MANBA: variants seen among roughly 807,000 people sequenced by gnomAD.
MANBA encodes the protein mannosidase beta, also known as beta-mannosidase.
In MANBA, 83 loss-of-function variants were observed where a neutral mutation model predicts 111.1. The ratio of observed to expected loss-of-function variants is 0.75; its 90% CI spans 0.63 to 0.90. The LOEUF (loss-of-function observed/expected upper bound fraction) is 0.90. Ranked by LOEUF, MANBA falls within the 40% of genes least tolerant of loss-of-function variation. The pLI, the probability that MANBA is intolerant of heterozygous loss-of-function variation, is 0.00. For missense variants in MANBA, 1,036 were observed against 1,069.0 expected (o/e 0.97, Z 0.43); for synonymous variants, 370 against 378.7 (o/e 0.98, Z 0.27).
chr4:102,692,202 C>A (rs1194562097), intron 5 of MANBA, among the ~76,000 whole-genome samples: 2 of 152,098 alleles, frequency 1.3e-5, no homozygotes, highest in African/African-American at 4.8e-5. Flanking sequence ...TATAAAATCT[C>A]TCTGTGTACA....
chr4:102,721,511 A>G (rs984234179), intron 4 of MANBA, among the ~76,000 whole-genome samples: 2 of 152,174 alleles, frequency 1.3e-5, no homozygotes. Context: ...CAAAAGGTGG[A>G]AGCAACCTAA....
chr4:102,644,085 G>A (rs756644079), intron 13 of MANBA, among the ~76,000 whole-genome samples: 1 of 152,070 alleles, frequency 6.6e-6, no homozygotes, highest in Non-Finnish European at 1.5e-5. Flanking sequence ...ATGGTATGAG[G>A]TAGTGGTCTG....
chr4:102,701,046 T>C lies in MANBA; in HGVS notation c.674-10275A>G, dbSNP rs28876670. 5.4e-3 allele frequency among the ~76,000 whole-genome samples: 816 copies of C among 152,274 alleles called. 6 individuals are homozygous for C. Among genetic ancestry groups the C allele is most frequent in the African/African-American group, 0.019 (780 of 41,534 alleles). On this transcript the variant is annotated intron_variant, in intron 5 of 16. Transcript: ENST00000647097. ...TGCTTTATGAATCTGGGTGCTCCTG[T>C]ATTGGGTGCATATATATTTAGGATA...
At position 102,710,159 on chromosome 4, in the gene MANBA, A is replaced by G. The variant is rs80054776; in HGVS notation, c.673+4279T>C. Reference sequence around the variant, plus strand: ...CAATAAAATGCTGGAAGTCCTATCCAGGGCAATAAAGCAAGAGAAAAACAT... The same window carrying G: ...CAATAAAATGCTGGAAGTCCTATCCGGGGCAATAAAGCAAGAGAAAAACAT... On this transcript the variant is annotated intron_variant, in intron 5 of 16. Transcript: ENST00000647097. Among the ~76,000 whole-genome samples, 547 of 152,306 alleles carry G rather than the reference A, an allele frequency of 3.6e-3. 3 individuals are homozygous for G. Among genetic ancestry groups the G allele is most frequent in the African/African-American group, 0.012 (505 of 41,582 alleles).
chr4:102,729,575 C>A (rs1251045162), intron 1 of MANBA: 2 of 885,102 alleles, frequency 2.3e-6, no homozygotes, highest in Non-Finnish European at 3.9e-6. Flanking sequence ...CCTTCATCCA[C>A]ATCCTCTTGA....
rs757469184 is a variant in MANBA at position 102,657,718 on chromosome 4, T to C, written c.1668A>G (p.Gly556=). 2.5e-6 allele frequency: 4 copies of C among 1,613,432 alleles called. No individual in the cohort carries two copies. The highest frequency in any genetic ancestry group is 1.1e-5 in the South Asian group (1 of 91,084). Residue 556 remains glycine, a synonymous_variant, in exon 12 of 17, where the codon GGA becomes GGG. Transcript: ENST00000647097. ...TACTGAAGGACGGCCAGGACTGATA[T>C]CCATATTCAGATGCAAATCGAGCTT... ...FPKARFASEY[G]YQSWPSFSTL...
At chr4:102,658,450 G>A (rs180941890) in intron 11 of MANBA, among the ~76,000 whole-genome samples, 153 of 152,350 alleles carry the variant, frequency 1.0e-3, no homozygotes, top group African/African-American at 3.6e-3. Context: ...TACTGAGTCA[G>A]ATGGACCCAA....
chr4:102,713,512 T>A (rs1049656378), intron 5 of MANBA, among the ~76,000 whole-genome samples: 2 of 152,234 alleles, frequency 1.3e-5, no homozygotes, highest in African/African-American at 2.4e-5. Flanking sequence ...TTTTAACTTA[T>A]CCACTGACAT....
At chr4:102,747,291 T>C (rs1297178258) in intron 1 of MANBA, among the ~76,000 whole-genome samples, 1 of 152,138 alleles carries the variant, frequency 6.6e-6, no homozygotes, top group Non-Finnish European at 1.5e-5. Flanking sequence ...ACTTGGAGTC[T>C]GATGTTTGAG....
intron 8 of MANBA, chr4:102,671,760 G>A: frequency 2.3e-6 from 1 of 428,746 alleles, no homozygotes; most frequent in Non-Finnish European, 4.1e-6. Flanking sequence ...ATCAAGACTT[G>A]AGTATTAGTG....
intron 1 of MANBA, among the ~76,000 whole-genome samples, chr4:102,744,018 C>A (rs1360090630): frequency 6.6e-6 from 1 of 152,210 alleles, no homozygotes; most frequent in African/African-American, 2.4e-5. Context: ...GAGCAGCTTG[C>A]ACAGCAGCCT....
Position 102,632,164 on chromosome 4 carries a change from G to A in MANBA, c.2533C>T (p.Leu845Phe). 1 of 1,613,238 alleles carries A rather than the reference G, an allele frequency of 6.2e-7. No individual in the cohort carries two copies. Among genetic ancestry groups the A allele is most frequent in the Non-Finnish European group, 8.5e-7 (1 of 1,179,194 alleles). ...IPGRFSDNGF[L>F]MTEKTRTILF... ...ATAGTTCGTGTCTTCTCAGTCATGA[G>A]GAAACCATTGTCACTAAATCTCCCT... The change falls in exon 17 of 17, where the codon CTC (leucine) becomes TTC (phenylalanine). Residue 845 changes from leucine (L) to phenylalanine (F), a missense_variant. Coordinates refer to ENST00000647097, the MANE Select transcript of MANBA (RefSeq NM_005908.4).
chr4:102,734,248 G>C, intron 1 of MANBA: 1 of 1,038,876 alleles, frequency 9.6e-7, no homozygotes, highest in Non-Finnish European at 1.4e-6. Context: ...GTTCAATTTT[G>C]CTGTAAACCT....
chr4:102,715,314 A>G (rs1302547062), intron 4 of MANBA, among the ~76,000 whole-genome samples: 1 of 151,578 alleles, frequency 6.6e-6, no homozygotes, highest in Non-Finnish European at 1.5e-5. Flanking sequence ...TCAGAAACAG[A>G]CTCTTCAGCC....
chr4:102,732,676 G>T lies in MANBA; in HGVS notation c.178-5993C>A, dbSNP rs185182090. 2.0e-5 allele frequency among the ~76,000 whole-genome samples: 3 copies of T among 152,346 alleles called. No homozygotes were observed. In the East Asian group the frequency reaches 5.8e-4, roughly 29 times the overall value. On this transcript the variant is annotated intron_variant, in intron 1 of 16. Coordinates refer to ENST00000647097, the MANE Select transcript of MANBA (RefSeq NM_005908.4). ...CTTTTAAGGTCTGGTTAATGGTAAG[G>T]TTTTGTTCTGTTAAATGCCGTGTGC...
chr4:102,714,788 T>A (rs1364295196), intron 4 of MANBA, among the ~76,000 whole-genome samples: 1 of 152,230 alleles, frequency 6.6e-6, no homozygotes, highest in Non-Finnish European at 1.5e-5. Context: ...GCCGATCTCC[T>A]CTGTTTGCAC....
intron 5 of MANBA, among the ~76,000 whole-genome samples, chr4:102,697,052 C>T (rs1274818320): frequency 6.6e-6 from 1 of 152,066 alleles, no homozygotes; most frequent in Non-Finnish European, 1.5e-5. Flanking sequence ...AGTACAAAAT[C>T]CTTGAAACTG....
At chr4:102,688,327 A>G (rs1472333915) in intron 7 of MANBA, among the ~76,000 whole-genome samples, 2 of 144,304 alleles carry the variant, frequency 1.4e-5, no homozygotes, top group African/African-American at 5.7e-5. Flanking sequence ...AAACACACAT[A>G]CACTCTCTTC....
At chr4:102,702,493 T>A (rs1733105384) in intron 5 of MANBA, among the ~76,000 whole-genome samples, 1 of 152,144 alleles carries the variant, frequency 6.6e-6, no homozygotes, top group Non-Finnish European at 1.5e-5. Context: ...CGGTTTTATC[T>A]ACTTTTGGTC....
Sources: gnomAD v4.1 joint callset for allele counts (sites outside exome capture counted in the v4.1 genomes callset) on GRCh38, gnomAD v4.1.1 for gene constraint, MANE v1.5 for transcripts, NCBI Gene and HGNC (gene_info 2026-07-23, HGNC 2026-07-21) for gene names.